The following DEGS2 variants were observed in gnomAD, a reference collection of about 807,000 sequenced individuals.
The protein encoded by DEGS2 is sphingolipid delta(4)-desaturase/C4-monooxygenase DES2.
A neutral mutation model predicts 23.8 loss-of-function variants in DEGS2; 19 were observed. That is an observed-to-expected ratio of 0.80 (90% confidence interval 0.56 to 1.17). The LOEUF is 1.17. Ranked by LOEUF, DEGS2 falls within the 50% of genes most tolerant of loss-of-function variation. The probability of loss-of-function intolerance (pLI) is 0.00; values close to 1 mark genes in which losing one functional copy is unlikely to be tolerated. For synonymous variants in DEGS2, 218 were observed against 213.7 expected (o/e 1.02, Z -0.18); for missense variants, 390 against 459.5 (o/e 0.85, Z 1.38).
intron 2 of DEGS2, among the ~76,000 whole-genome samples, chr14:100,148,581 C>T (rs1595274419): frequency 1.3e-5 from 2 of 152,354 alleles, no homozygotes; most frequent in East Asian, 1.9e-4. Flanking sequence ...TCCTCTCTGG[C>T]CCCTGGAGGG....
intron 1 of DEGS2, among the ~76,000 whole-genome samples, chr14:100,154,761 A>G (rs905873689): frequency 2.0e-5 from 3 of 152,212 alleles, no homozygotes; most frequent in Admixed American, 6.5e-5. Context: ...CTGCTGAGCC[A>G]TTGAGCAGAG....
At chr14:100,148,894 C>T in intron 2 of DEGS2, 74 bp downstream of exon 2, 1 of 1,515,882 alleles carries the variant, frequency 6.6e-7, no homozygotes, top group Admixed American at 2.1e-5. Context: ...GCCCAAGGCC[C>T]TTCCAGGGCC....
chr14:100,149,497 G>A lies in DEGS2; in HGVS notation c.296C>T (p.Thr99Met), dbSNP rs149494520. 14 of 1,599,680 alleles carry A rather than the reference G, an allele frequency of 8.8e-6. No homozygotes were observed. The highest frequency in any genetic ancestry group is 2.2e-5 in the South Asian group (2 of 89,790). Residue 99 changes from threonine (T) to methionine (M), a missense_variant, in exon 2 of 3, where the codon ACG becomes ATG. Thr to Met is a moderately conservative substitution (Grantham distance 81, BLOSUM62 -1). Coordinates refer to ENST00000305631, the MANE Select transcript of DEGS2 (RefSeq NM_206918.3). ...HDISHNAAFG[T>M]GRAARNRWLA... Reference sequence around the variant, plus strand: ...CCAGCGGTTGCGTGCCGCACGGCCCGTGCCGAAGGCCGCGTTGTGCGAGAT... The same window carrying A: ...CCAGCGGTTGCGTGCCGCACGGCCCATGCCGAAGGCCGCGTTGTGCGAGAT...
chr14:100,164,646 A>G, the DEGS2 span, among the ~76,000 whole-genome samples: 1 of 152,190 alleles, frequency 6.6e-6, no homozygotes, highest in Admixed American at 6.5e-5. Flanking sequence ...TCAAAAACTA[A>G]TAATAATAAT....
intron 1 of DEGS2, among the ~76,000 whole-genome samples, chr14:100,157,208 T>C (rs767901495): frequency 2.0e-5 from 3 of 152,210 alleles, no homozygotes; most frequent in African/African-American, 4.8e-5. Context: ...GTTTTGCAGA[T>C]TGGGAAAGTG....
intron 1 of DEGS2, among the ~76,000 whole-genome samples, chr14:100,156,811 G>A (rs536797504): frequency 3.7e-5 from 3 of 80,170 alleles, no homozygotes; most frequent in African/African-American, 1.2e-4. Flanking sequence ...AGAGCAGGGA[G>A]GAGGGACATT....
chr14:100,147,718 CT>C (rs1283490099), intron 2 of DEGS2, among the ~76,000 whole-genome samples: 2 of 138,012 alleles, frequency 1.4e-5, no homozygotes, highest in Admixed American at 1.6e-4. Context: ...CCTAAGGATG[CT>C]CTCAGGACGC....
chr14:100,147,225 G>A (rs1488045850), intron 2 of DEGS2, among the ~76,000 whole-genome samples: 1 of 152,184 alleles, frequency 6.6e-6, no homozygotes, highest in African/African-American at 2.4e-5. Context: ...CGCCCAGGAC[G>A]CTGTGGCAGA....
At chr14:100,152,677 T>G (rs1889592225) in intron 1 of DEGS2, among the ~76,000 whole-genome samples, 2 of 152,124 alleles carry the variant, frequency 1.3e-5, no homozygotes, top group Non-Finnish European at 2.9e-5. Flanking sequence ...ACCAGCACCC[T>G]CCACCCTCCG....
chr14:100,154,852 C>G (rs991994198), intron 1 of DEGS2, among the ~76,000 whole-genome samples: 1 of 152,198 alleles, frequency 6.6e-6, no homozygotes, highest in Non-Finnish European at 1.5e-5. Flanking sequence ...AGGGCCCCCC[C>G]ACGCCACACC....
chr14:100,156,929 A>T (rs748346634), intron 1 of DEGS2, among the ~76,000 whole-genome samples: 4 of 152,218 alleles, frequency 2.6e-5, no homozygotes, highest in Non-Finnish European at 5.9e-5. Context: ...CCTGCAGGAA[A>T]GGGAGCGTGG....
intron 1 of DEGS2, among the ~76,000 whole-genome samples, chr14:100,154,777 G>A (rs534490673): frequency 5.9e-5 from 9 of 152,224 alleles, no homozygotes; most frequent in Admixed American, 2.0e-4. Context: ...CAGAGGGACC[G>A]CATCAGAAAC....
At position 100,149,346 on chromosome 14, in the gene DEGS2, C is replaced by A; in HGVS notation, c.447G>T (p.Glu149Asp). The change falls in exon 2 of 3, where the codon GAG (glutamate) becomes GAT (aspartate). Residue 149 changes from glutamate to aspartate, a missense_variant. Coordinates refer to ENST00000305631, the MANE Select transcript of DEGS2 (RefSeq NM_206918.3). ...GLDVDVPTRL[E>D]GWFFCTPARK... ...GGGCGGGTGTGCAGAAGAACCAGCC[C>A]TCCAGACGCGTGGGCACGTCCACGT... 6.2e-7 allele frequency: 1 copy of A among 1,609,814 alleles called. No homozygotes were observed. Among genetic ancestry groups the A allele is most frequent in the Non-Finnish European group, 8.5e-7 (1 of 1,178,178 alleles).
the DEGS2 span, among the ~76,000 whole-genome samples, chr14:100,166,378 G>A: frequency 0.016 from 2,180 of 140,138 alleles, 31 homozygotes; most frequent in Non-Finnish European, 0.024. Flanking sequence ...GGGGCTGTGG[G>A]GGAGGCTGCT....
intron 1 of DEGS2, among the ~76,000 whole-genome samples, chr14:100,154,294 G>A (rs1334509341): frequency 6.6e-6 from 1 of 151,734 alleles, no homozygotes; most frequent in Non-Finnish European, 1.5e-5. Flanking sequence ...GAACCTGGGA[G>A]GCAGAGGTTG....
chr14:100,162,873 C>T (rs760717630), upstream of DEGS2, among the ~76,000 whole-genome samples: 48 of 152,174 alleles, frequency 3.2e-4, no homozygotes, highest in Admixed American at 3.9e-4. Flanking sequence ...CTGCCCCATG[C>T]AAAAAGGCCT....
intron 2 of DEGS2, among the ~76,000 whole-genome samples, 166 bp from the exon 3 acceptor site, chr14:100,147,073 C>T (rs1238148829): frequency 6.6e-6 from 1 of 152,194 alleles, no homozygotes; most frequent in Non-Finnish European, 1.5e-5. Context: ...GTACATAATG[C>T]AAACACACCG....
At position 100,149,283 on chromosome 14, in the gene DEGS2, G is replaced by A. The variant is rs1279771172; in HGVS notation, c.510C>T (p.Tyr170=). The A allele has an allele frequency of 2.5e-6, 4 of 1,612,808 alleles. No homozygotes were observed. Among genetic ancestry groups the A allele is most frequent in the Non-Finnish European group, 3.4e-6 (4 of 1,179,880 alleles). The change falls in exon 2 of 3, where the codon TAC becomes TAT. Residue 170 remains tyrosine, a synonymous_variant. Transcript: ENST00000305631. ...LLWLVLQPFF[Y]SLRPLCVHPK... is the part of the protein sequence containing the mutation. The stretch of plus-strand genomic sequence containing the variant: ...GGTGGACGCAGAGCGGCCGTAGTGA[G>A]TAGAAGAAGGGCTGCAGCACCAGCC...
Position 100,149,409 on chromosome 14 carries a change from G to T in DEGS2, c.384C>A (p.His128Gln). The change falls in exon 2 of 3, where the codon CAC (histidine) becomes CAA (glutamine). Residue 128 changes from histidine to glutamine, a missense_variant. Coordinates refer to ENST00000305631, the MANE Select transcript of DEGS2 (RefSeq NM_206918.3). ...CGCCCAGGTAGCGGTGGTGGTCCAC[G>T]TGGTACTTCTTGAAGGAGGCGGCGT... ...VPYAASFKKY[H>Q]VDHHRYLGGD... 6.2e-7 allele frequency: 1 copy of T among 1,603,132 alleles called. No individual in the cohort carries two copies. Among genetic ancestry groups the T allele is most frequent in the East Asian group, 2.2e-5 (1 of 44,606 alleles).
Sources: gnomAD v4.1 joint callset for allele counts (sites outside exome capture counted in the v4.1 genomes callset) on GRCh38, gnomAD v4.1.1 for gene constraint, MANE v1.5 for transcripts, NCBI Gene and HGNC (gene_info 2026-07-23, HGNC 2026-07-21) for gene names.